PCDH15: variants seen among roughly 807,000 people sequenced by gnomAD.
PCDH15 encodes protocadherin-15.
In PCDH15, 129 loss-of-function variants were observed where a neutral mutation model predicts 178.5. The observed-to-expected ratio is 0.72, with a 90% CI of 0.63 to 0.84. The LOEUF is 0.84. Among genes scored for constraint, PCDH15 ranks in the 40% least tolerant of loss-of-function variants. The pLI is 0.00. For missense variants in PCDH15, 2,230 were observed against 2,099.9 expected (o/e 1.06, Z -1.21); for synonymous variants, 800 against 732.0 (o/e 1.09, Z -1.50).
chr10:54,783,369 A>T (rs1302245103), intron 1 of PCDH15, among the ~76,000 whole-genome samples: 1 of 152,076 alleles, frequency 6.6e-6, no homozygotes, highest in Non-Finnish European at 1.5e-5. Context: ...TAAAGTAGGA[A>T]TTTTTTACTT....
intron 3 of PCDH15, among the ~76,000 whole-genome samples, chr10:54,408,769 T>C (rs1445503630): frequency 1.3e-5 from 2 of 152,178 alleles, no homozygotes; most frequent in African/African-American, 4.8e-5. Context: ...AGGGGACAGG[T>C]GTTACACTTT....
intron 13 of PCDH15, among the ~76,000 whole-genome samples, chr10:54,163,944 G>A (rs1013456425): frequency 3.3e-5 from 5 of 152,122 alleles, no homozygotes; most frequent in African/African-American, 1.2e-4. Context: ...GTAAGTATGG[G>A]CATTATCAAT....
intron 2 of PCDH15, among the ~76,000 whole-genome samples, chr10:55,068,288 G>A (rs1841619918): frequency 6.6e-6 from 1 of 152,018 alleles, no homozygotes; most frequent in Admixed American, 6.6e-5. Flanking sequence ...TATGATGGGA[G>A]ATAGGGGTCT....
chr10:54,457,648 G>A (rs1455938052), intron 3 of PCDH15, among the ~76,000 whole-genome samples: 1 of 151,708 alleles, frequency 6.6e-6, no homozygotes, highest in Non-Finnish European at 1.5e-5. Flanking sequence ...AAAATTCTAG[G>A]CATAAAAATT....
chr10:54,768,879 G>C (rs1948793102), intron 1 of PCDH15, among the ~76,000 whole-genome samples: 1 of 152,068 alleles, frequency 6.6e-6, no homozygotes, highest in African/African-American at 2.4e-5. Flanking sequence ...TTCCTGCACA[G>C]ACTATAGTTT....
chr10:55,056,641 T>TTATTAA (rs1399723107), intron 2 of PCDH15, among the ~76,000 whole-genome samples: 1 of 145,820 alleles, frequency 6.9e-6, no homozygotes, highest in Non-Finnish European at 1.5e-5. Context: ...ATTATTATTA[T>TTATTAA]TAATATTTTG....
intron 2 of PCDH15, among the ~76,000 whole-genome samples, chr10:54,958,181 C>A (rs540345594): frequency 6.6e-6 from 1 of 151,848 alleles, no homozygotes; most frequent in South Asian, 2.1e-4. Context: ...TAGAATTATT[C>A]ATTTCTTTGG....
At chr10:54,798,431 G>GT (rs1278168147) in intron 1 of PCDH15, among the ~76,000 whole-genome samples, 1 of 151,972 alleles carries the variant, frequency 6.6e-6, no homozygotes, top group East Asian at 1.9e-4. Context: ...AACAAAAATA[G>GT]TTTTTGGATG....
intron 3 of PCDH15, among the ~76,000 whole-genome samples, chr10:54,453,092 T>A (rs1251431354): frequency 6.6e-6 from 1 of 152,090 alleles, no homozygotes; most frequent in Non-Finnish European, 1.5e-5. Context: ...TGGAGGTCAG[T>A]GTGGCGATTC....
At chr10:55,336,142 A>C (rs905329445) in intron 2 of PCDH15, among the ~76,000 whole-genome samples, 4 of 150,248 alleles carry the variant, frequency 2.7e-5, no homozygotes, top group Admixed American at 1.3e-4. Flanking sequence ...AAAAAAAAAA[A>C]AAAAAAAAAA....
chr10:55,368,723 A>G (rs544172980), intron 2 of PCDH15, among the ~76,000 whole-genome samples: 123 of 152,144 alleles, frequency 8.1e-4, no homozygotes, highest in Admixed American at 1.4e-3. Context: ...TTAAGTAAGT[A>G]TAATGTACTT....
At chr10:55,294,810 G>T (rs1490239666) in intron 1 of PCDH15, among the ~76,000 whole-genome samples, 1 of 152,062 alleles carries the variant, frequency 6.6e-6, no homozygotes, top group Admixed American at 6.6e-5. Flanking sequence ...TTTCATATTT[G>T]TCAATTCTGC....
At chr10:53,809,833 G>T (rs1373334366) in intron 37 of PCDH15, among the ~76,000 whole-genome samples, 2 of 152,064 alleles carry the variant, frequency 1.3e-5, no homozygotes, top group African/African-American at 2.4e-5. Flanking sequence ...AAAAAAGAAA[G>T]AATTATTGTC....
At chr10:55,456,067 T>C (rs894833000) in intron 2 of PCDH15, among the ~76,000 whole-genome samples, 1 of 152,134 alleles carries the variant, frequency 6.6e-6, no homozygotes, top group African/African-American at 2.4e-5. Context: ...ATAGGGCATA[T>C]GCCAGTTGTA....
chr10:54,953,359 T>A (rs1302918575), intron 2 of PCDH15, among the ~76,000 whole-genome samples: 1 of 151,512 alleles, frequency 6.6e-6, no homozygotes, highest in Non-Finnish European at 1.5e-5. Context: ...ATTGAGTATA[T>A]GAAATAAATC....
In PCDH15 at chr10:55,011,210, G is replaced by A. The variant is rs115733714; in HGVS notation, c.-79-113710C>T. On this transcript the variant is annotated intron_variant, in intron 2 of 5. Coordinates refer to the PCDH15 transcript ENST00000458638. ...TATAACTACACATACTGAAAAAATC[G>A]TTATATTTATTAAAAGTGGACAAAG... Among the ~76,000 whole-genome samples, 857 of 152,018 alleles carry A rather than the reference G, an allele frequency of 5.6e-3. 8 individuals are homozygous for A. Among genetic ancestry groups the A allele is most frequent in the African/African-American group, 0.019 (797 of 41,484 alleles).
intron 2 of PCDH15, among the ~76,000 whole-genome samples, chr10:54,943,557 G>A (rs1023113580): frequency 4.0e-5 from 6 of 151,846 alleles, no homozygotes; most frequent in Admixed American, 2.6e-4. Flanking sequence ...AAGAGCTACT[G>A]GGAAAATTGC....
At chr10:53,974,886 T>G (rs1304980561) in intron 21 of PCDH15, among the ~76,000 whole-genome samples, 3 of 152,192 alleles carry the variant, frequency 2.0e-5, no homozygotes, top group Non-Finnish European at 2.9e-5. Flanking sequence ...ATCGAGGTAG[T>G]GAGCATAGTA....
At chr10:55,293,519 G>A (rs1409889214) in intron 1 of PCDH15, among the ~76,000 whole-genome samples, 1 of 152,092 alleles carries the variant, frequency 6.6e-6, no homozygotes, top group Admixed American at 6.6e-5. Flanking sequence ...AAACTTTTAT[G>A]CTCTGCTTCC....
Sources: gnomAD v4.1 joint callset for allele counts (sites outside exome capture counted in the v4.1 genomes callset) on GRCh38, gnomAD v4.1.1 for gene constraint, MANE v1.5 for transcripts, NCBI Gene and HGNC (gene_info 2026-07-23, HGNC 2026-07-21) for gene names.